ROBO2: variants seen among roughly 807,000 people sequenced by gnomAD.
ROBO2 encodes roundabout guidance receptor 2.
A neutral mutation model predicts 160.8 loss-of-function variants in ROBO2; 53 were observed. That is an observed-to-expected ratio of 0.33 (90% CI 0.26 to 0.41). The LOEUF (loss-of-function observed/expected upper bound fraction) is 0.41, where lower values mean the gene tolerates loss of function less well. Ranked by LOEUF, ROBO2 falls within the 10% of genes least tolerant of loss-of-function variation. The pLI, the probability that ROBO2 is intolerant of heterozygous loss-of-function variation, is 1.00. For missense variants in ROBO2, 1,577 were observed against 1,722.4 expected (o/e 0.92, Z 1.49); for synonymous variants, 664 against 611.7 (o/e 1.09, Z -1.26).
intron 2 of ROBO2, among the ~76,000 whole-genome samples, chr3:77,465,689 C>G (rs1196970102): frequency 6.6e-6 from 1 of 152,130 alleles, no homozygotes; most frequent in African/African-American, 2.4e-5. Context: ...TATTTACATA[C>G]TTTTGGGTAA....
At chr3:76,665,952 T>C (rs563751741) in intron 2 of ROBO2, among the ~76,000 whole-genome samples, 112 of 122,744 alleles carry the variant, frequency 9.1e-4, no homozygotes, top group Non-Finnish European at 1.7e-3. Flanking sequence ...ATATTATATA[T>C]AATATATACA....
chr3:75,958,513 T>A (rs1948796647), intron 2 of ROBO2, among the ~76,000 whole-genome samples: 1 of 151,052 alleles, frequency 6.6e-6, no homozygotes, highest in Admixed American at 6.6e-5. Flanking sequence ...TAATAGGGAG[T>A]TAAAGGATAA....
At chr3:77,121,189 C>G (rs1370109876) in intron 2 of ROBO2, among the ~76,000 whole-genome samples, 1 of 152,080 alleles carries the variant, frequency 6.6e-6, no homozygotes, top group African/African-American at 2.4e-5. Flanking sequence ...AGGTGATCCA[C>G]CTGCTTCGGC....
At chr3:76,800,093 C>G (rs2064083172) in intron 2 of ROBO2, among the ~76,000 whole-genome samples, 1 of 152,096 alleles carries the variant, frequency 6.6e-6, no homozygotes, top group Admixed American at 6.6e-5. Context: ...TCATTTTTGA[C>G]AAAGGTGTCA....
At chr3:77,302,929 A>C (rs1328472850) in intron 2 of ROBO2, among the ~76,000 whole-genome samples, 1 of 152,190 alleles carries the variant, frequency 6.6e-6, no homozygotes, top group Admixed American at 6.6e-5. Flanking sequence ...TGTATATAAA[A>C]TACAAATTGA....
At chr3:77,277,158 T>TTCTTTCTC (rs1196554570) in intron 2 of ROBO2, among the ~76,000 whole-genome samples, 3 of 44,316 alleles carry the variant, frequency 6.8e-5, no homozygotes, top group Non-Finnish European at 1.3e-4. Context: ...CCTTCTTTCC[T>TTCTTTCTC]TCTTTCTTTC....
chr3:75,999,647 C>T (rs539207567), intron 2 of ROBO2, among the ~76,000 whole-genome samples: 36 of 152,224 alleles, frequency 2.4e-4, no homozygotes, highest in South Asian at 1.4e-3. Flanking sequence ...TTATTTTATT[C>T]TATTTTAATT....
chr3:76,100,859 C>A (rs1040119032), intron 2 of ROBO2, among the ~76,000 whole-genome samples: 1 of 152,130 alleles, frequency 6.6e-6, no homozygotes, highest in African/African-American at 2.4e-5. Flanking sequence ...CCTCATTTAA[C>A]ATGGATTTAT....
chr3:77,612,907 C>T (rs1206090095), intron 21 of ROBO2, among the ~76,000 whole-genome samples: 3 of 151,804 alleles, frequency 2.0e-5, no homozygotes, highest in African/African-American at 4.8e-5. Context: ...GAGCCGAGAT[C>T]GCGCCACTGC....
chr3:76,340,246 A>T (rs1271988212), intron 2 of ROBO2, among the ~76,000 whole-genome samples: 1 of 152,158 alleles, frequency 6.6e-6, no homozygotes, highest in Admixed American at 6.5e-5. Flanking sequence ...ATTCTAACAA[A>T]AAAATTCATG....
intron 2 of ROBO2, among the ~76,000 whole-genome samples, chr3:76,280,806 C>T (rs1708190151): frequency 1.3e-5 from 2 of 151,908 alleles, no homozygotes; most frequent in South Asian, 2.1e-4. Context: ...CTTTCTTTCC[C>T]TCAGTGTCTG....
intron 23 of ROBO2, chr3:77,629,884 A>T (rs2095120972): frequency 6.6e-6 from 1 of 152,208 alleles, no homozygotes; most frequent in African/African-American, 2.4e-5. Flanking sequence ...CTGGACAATA[A>T]ATATGAAAAT....
intron 2 of ROBO2, among the ~76,000 whole-genome samples, chr3:76,665,928 AATATACATATAATATATTATATATAAT>A (rs1310226413): frequency 7.1e-6 from 1 of 141,412 alleles, no homozygotes; most frequent in African/African-American, 2.6e-5. Context: ...TTTTATATGT[AATATACATATAATATATTATATATAAT>A]ATATACATAT....
At chr3:76,088,141 A>G (rs1403908431) in intron 2 of ROBO2, among the ~76,000 whole-genome samples, 1 of 152,088 alleles carries the variant, frequency 6.6e-6, no homozygotes, top group Non-Finnish European at 1.5e-5. Context: ...AAAATATTAC[A>G]TAATGCTAAA....
At chr3:77,405,369 T>C (rs1431150592) in intron 2 of ROBO2, among the ~76,000 whole-genome samples, 2 of 152,128 alleles carry the variant, frequency 1.3e-5, no homozygotes, top group Non-Finnish European at 2.9e-5. Flanking sequence ...ATATATGTAA[T>C]TTATTTAAAC....
intron 2 of ROBO2, among the ~76,000 whole-genome samples, chr3:76,024,954 A>AT (rs2066692252): frequency 2.0e-5 from 3 of 149,040 alleles, no homozygotes; most frequent in Admixed American, 1.3e-4. Context: ...TATATATATT[A>AT]TATATATGTG....
At chr3:76,714,971 C>T (rs928585329) in intron 2 of ROBO2, among the ~76,000 whole-genome samples, 10 of 152,120 alleles carry the variant, frequency 6.6e-5, no homozygotes, top group Admixed American at 1.3e-4. Context: ...TGACCCCAAG[C>T]TCATAAACAT....
At chr3:77,434,776 A>G (rs1581915776) in intron 2 of ROBO2, among the ~76,000 whole-genome samples, 1 of 152,112 alleles carries the variant, frequency 6.6e-6, no homozygotes, top group Admixed American at 6.6e-5. Context: ...TTAAGGGTCA[A>G]ATTGAATAAA....
intron 9 of ROBO2, among the ~76,000 whole-genome samples, chr3:77,558,951 G>C (rs1381454186): frequency 6.6e-6 from 1 of 152,050 alleles, no homozygotes; most frequent in African/African-American, 2.4e-5. Flanking sequence ...GTGTCATTTA[G>C]AGTTGCCGTC....
Sources: gnomAD v4.1 joint callset for allele counts (sites outside exome capture counted in the v4.1 genomes callset) on GRCh38, gnomAD v4.1.1 for gene constraint, MANE v1.5 for transcripts, NCBI Gene and HGNC (gene_info 2026-07-23, HGNC 2026-07-21) for gene names.